ZNF37A: variants seen among roughly 807,000 people sequenced by gnomAD.
ZNF37A encodes zinc finger protein 37A, also known as zinc finger protein 37a (KOX 21).
ZNF37A carries 10 observed loss-of-function variants against 12.3 expected under a neutral mutation model. The ratio of observed to expected loss-of-function variants is 0.82; its 90% CI spans 0.50 to 1.38. The LOEUF is 1.38. ZNF37A is among the 40% of genes most tolerant of loss of function. The probability of loss-of-function intolerance (pLI) is 0.00; values close to 1 mark genes in which losing one functional copy is unlikely to be tolerated. For missense variants in ZNF37A, 580 were observed against 651.2 expected, an observed-to-expected ratio of 0.89 and a Z score of 1.19; for synonymous variants, 207 against 223.0, an observed-to-expected ratio of 0.93 and a Z score of 0.64.
chr10:38,128,562 G>C (rs2069961697), downstream of ZNF37A, among the ~76,000 whole-genome samples: 1 of 151,934 alleles, frequency 6.6e-6, no homozygotes, highest in South Asian at 2.1e-4. Context: ...TGAAAATTTT[G>C]GATCAGGAAC....
intron 6 of ZNF37A, 128 bp from the exon 7 acceptor site, chr10:38,115,067 G>GT: frequency 2.2e-5 from 2 of 88,928 alleles, no homozygotes; most frequent in Non-Finnish European, 3.6e-5. Flanking sequence ...ATTAAATGAA[G>GT]TGTGTGTGTG....
At chr10:38,131,060 T>C (rs1400491310) in intron 7 of ZNF37A, among the ~76,000 whole-genome samples, 3 of 145,924 alleles carry the variant, frequency 2.1e-5, no homozygotes, top group Non-Finnish European at 4.5e-5. Flanking sequence ...GTTATCTCTT[T>C]GATTGTGGTG....
intron 7 of ZNF37A, among the ~76,000 whole-genome samples, chr10:38,136,445 T>C (rs1044845520): frequency 2.0e-5 from 3 of 152,174 alleles, no homozygotes; most frequent in African/African-American, 7.2e-5. Context: ...TGAGCCACCA[T>C]ACCCAGCCTC....
intron 5 of ZNF37A, among the ~76,000 whole-genome samples, chr10:38,100,551 A>T (rs2067482173): frequency 6.6e-6 from 1 of 152,190 alleles, no homozygotes; most frequent in Admixed American, 6.5e-5. Context: ...TTGCTTTTGA[A>T]AGAAGAGAAA....
Position 38,106,483 on chromosome 10 carries a change from A to G in ZNF37A, c.16-8272A>G, listed in dbSNP as rs144883303. ...ACAACTCCTTGCCTGCAAGGGAACA[A>G]AACTGGACAGAGAATGAGTTTGACA... is the stretch of plus-strand genomic sequence containing the variant. On this transcript the variant is annotated intron_variant, in intron 5 of 7. Transcript: ENST00000685332. Among the ~76,000 whole-genome samples, 972 of 152,242 alleles carry G rather than the reference A, an allele frequency of 6.4e-3. 19 individuals carry two copies. Among genetic ancestry groups the G allele is most frequent in the East Asian group, 0.043 (224 of 5,152 alleles).
rs1019064483 is a variant in ZNF37A at position 38,121,907 on chromosome 10, C to T, written c.*3070C>T. Reference sequence around the variant, plus strand: ...TCCTAGTCAGAGATTGGGAGAAATACAAGATGAGCCTGAATCATCTCATGT... The same window carrying T: ...TCCTAGTCAGAGATTGGGAGAAATATAAGATGAGCCTGAATCATCTCATGT... On this transcript the variant is annotated 3_prime_UTR_variant, in exon 8 of 8. Transcript: ENST00000685332. 6.6e-6 allele frequency: 1 copy of T among 152,002 alleles called. No homozygotes were observed. The highest frequency in any genetic ancestry group is 2.4e-5 in the African/African-American group (1 of 41,368). The allele number at this position is 152,002 out of a possible 1,614,324, so 9.4% of individuals were successfully genotyped here. A position where few individuals can be genotyped will look rare whatever the true frequency, so the allele number is the denominator to read the frequency against.
intron 5 of ZNF37A, among the ~76,000 whole-genome samples, chr10:38,112,455 T>C (rs1342795903): frequency 6.6e-6 from 1 of 152,006 alleles, no homozygotes; most frequent in Non-Finnish European, 1.5e-5. Context: ...CATTTCAAGG[T>C]CTGATTGCAA....
At chr10:38,112,802 T>TG (rs148186182) in intron 5 of ZNF37A, among the ~76,000 whole-genome samples, 3,495 of 68,942 alleles carry the variant, frequency 0.051, 803 homozygotes, top group East Asian at 0.11. Flanking sequence ...TTTCTTGTCT[T>TG]GTCTTGTCTT....
downstream of ZNF37A, among the ~76,000 whole-genome samples, chr10:38,128,979 C>G (rs2069969293): frequency 6.6e-6 from 1 of 152,064 alleles, no homozygotes; most frequent in Admixed American, 6.6e-5. Context: ...GTCTCGAACT[C>G]CTGACCTCGT....
In ZNF37A at chr10:38,119,012, C is replaced by T; in HGVS notation, c.*175C>T. On this transcript the variant is annotated 3_prime_UTR_variant, in exon 8 of 8. Transcript: ENST00000685332. ...GAAAACATTATTCTGGAATTTGGACCATACACTATGTTACAAAACTAAAAG... is the reference window on the plus strand; with the variant it reads ...GAAAACATTATTCTGGAATTTGGACTATACACTATGTTACAAAACTAAAAG... 1.5e-6 allele frequency: 2 copies of T among 1,312,576 alleles called. No individual in the cohort carries two copies. The highest frequency in any genetic ancestry group is 1.9e-6 in the Non-Finnish European group (2 of 1,034,406). 81.3% of individuals were successfully genotyped at this position (1,312,576 alleles called of 1,614,324 possible).
Position 38,118,726 on chromosome 10 carries a change from T to C in ZNF37A, c.1575T>C (p.Cys525=), listed in dbSNP as rs2136039172. Residue 525 remains cysteine, a synonymous_variant, in exon 8 of 8, where the codon TGT becomes TGC. Transcript: ENST00000685332. ...RTHTGEKPYE[C]NVCGKSFYVK... ...ACACAGGGGAGAAACCCTATGAATG[T>C]AATGTTTGTGGAAAATCATTCTATG... 6.2e-7 allele frequency: 1 copy of C among 1,613,910 alleles called. No individual in the cohort carries two copies. Among genetic ancestry groups the C allele is most frequent in the East Asian group, 2.2e-5 (1 of 44,850 alleles).
At chr10:38,104,073 C>T (rs1345948213) in intron 5 of ZNF37A, among the ~76,000 whole-genome samples, 1 of 152,200 alleles carries the variant, frequency 6.6e-6, no homozygotes, top group Admixed American at 6.5e-5. Flanking sequence ...CTGCTTTATG[C>T]AGGAGCTTTT....
chr10:38,110,751 T>C (rs959957109), intron 5 of ZNF37A, among the ~76,000 whole-genome samples: 25 of 152,178 alleles, frequency 1.6e-4, no homozygotes, highest in Non-Finnish European at 3.4e-4. Flanking sequence ...TCACTGGTCA[T>C]TAGAGAAATG....
intron 5 of ZNF37A, among the ~76,000 whole-genome samples, chr10:38,103,226 C>A (rs1192618299): frequency 6.6e-6 from 1 of 152,040 alleles, no homozygotes; most frequent in East Asian, 1.9e-4. Flanking sequence ...TATTTTTCAC[C>A]ATTCTTTTTC....
chr10:38,138,340 TTCAGTTTGAAAAAC>T (rs1413118681), intron 7 of ZNF37A: 2 of 152,192 alleles, frequency 1.3e-5, no homozygotes, highest in Non-Finnish European at 2.9e-5. Flanking sequence ...AAGTATAGAT[TTCAGTTTGAAAAAC>T]TTTAAATTTA....
At chr10:38,113,494 A>G (rs1233914672) in intron 5 of ZNF37A, among the ~76,000 whole-genome samples, 2 of 152,126 alleles carry the variant, frequency 1.3e-5, no homozygotes, top group South Asian at 2.1e-4. Context: ...TCCACTGGAT[A>G]TGCTCACTTC....
At chr10:38,131,291 T>C (rs1387789044) in intron 7 of ZNF37A, among the ~76,000 whole-genome samples, 1 of 152,198 alleles carries the variant, frequency 6.6e-6, no homozygotes. Flanking sequence ...CATGAGGATT[T>C]TCTCCAGTGC....
chr10:38,149,885 A>G (rs1340724283), exon 8 of ZNF37A: 1 of 152,130 alleles, frequency 6.6e-6, no homozygotes, highest in East Asian at 1.9e-4. Flanking sequence ...GGTTTTGCTA[A>G]TTTCTTTAGT....
chr10:38,114,721 T>A lies in ZNF37A; in HGVS notation c.16-34T>A, dbSNP rs562663995. 12 of 1,613,668 alleles carry A rather than the reference T, an allele frequency of 7.4e-6. No individual in the cohort carries two copies. In the African/African-American group the frequency reaches 1.1e-4, roughly 14 times the overall value. On this transcript the variant is annotated intron_variant, in intron 5 of 7. Transcript: ENST00000685332. ...CTTTTTTCACGTCAACTGATTCTTA[T>A]CACTTCAGACTGAGCAAAATTGTGA...
Sources: allele counts gnomAD v4.1 joint callset (sites outside exome capture counted in the v4.1 genomes callset), GRCh38; gene constraint gnomAD v4.1.1; transcripts MANE v1.5; gene names NCBI Gene and HGNC (gene_info 2026-07-23, HGNC 2026-07-21).